Variants in MYOM3 observed in about 807,000 individuals in gnomAD.
The protein encoded by MYOM3 is myomesin 3, also known as myomesin-3.
MYOM3 carries 155 observed loss-of-function variants against 191.7 expected under a neutral mutation model. That is an observed-to-expected ratio of 0.81 (90% CI 0.71 to 0.92). The LOEUF is 0.92. Among genes scored for constraint, MYOM3 ranks in the 40% least tolerant of loss-of-function variants. The pLI, the probability that MYOM3 is intolerant of heterozygous loss-of-function variation, is 0.00. For synonymous variants in MYOM3, 757 were observed against 762.9 expected (o/e 0.99, Z 0.13); for missense variants, 1,889 against 1,890.6 (o/e 1.00, Z 0.02).
chr1:24,108,752 G>C, intron 1 of MYOM3, 98 bp from the exon 2 acceptor site: 2 of 887,262 alleles, frequency 2.3e-6, no homozygotes, highest in Non-Finnish European at 3.3e-6. Context: ...AGGATGGGGG[G>C]TGGGGGTGTC....
Position 24,061,691 on chromosome 1 carries a change from C to T in MYOM3, c.3934+255G>A, listed in dbSNP as rs139763202. On this transcript the variant is annotated intron_variant, in intron 33 of 36. Transcript: ENST00000374434. ...ATCTCCTGGGCTCAAGCAATCCTCC[C>T]GCTTCAGCCTCCCAAGTAGCTGGGA... 7.4e-4 allele frequency among the ~76,000 whole-genome samples: 113 copies of T among 152,156 alleles called. 2 individuals carry two copies. In the East Asian group the frequency reaches 0.016, roughly 22 times the overall value.
Position 24,063,035 on chromosome 1 carries a change from G to T in MYOM3, c.3770+91C>A. 2.5e-6 allele frequency: 2 copies of T among 807,294 alleles called. No homozygotes were observed. Among genetic ancestry groups the T allele is most frequent in the East Asian group, 2.5e-5 (1 of 39,676 alleles). The allele number at this position is 807,294 out of a possible 1,614,324, so 50.0% of individuals were successfully genotyped here. Reference sequence around the variant, plus strand: ...GGGGGACCAGAAACTCTGCTTGGAGGACCAGGCAGGGAGAAGGGAGGGAGG... The same window carrying T: ...GGGGGACCAGAAACTCTGCTTGGAGTACCAGGCAGGGAGAAGGGAGGGAGG... On this transcript the variant is annotated intron_variant, in intron 32 of 36. Coordinates refer to ENST00000374434, the MANE Select transcript of MYOM3 (RefSeq NM_152372.4). This position sits in a 1 kb window ranked among gnomAD's most constrained non-coding sequence, Gnocchi z 4.5.
intron 27 of MYOM3, 103 bp from the exon 28 acceptor site, chr1:24,067,191 G>T: frequency 8.8e-7 from 1 of 1,136,764 alleles, no homozygotes; most frequent in Non-Finnish European, 1.3e-6. Flanking sequence ...TAATGGCTAT[G>T]GACTTCTCAG....
At position 24,090,841 on chromosome 1, in the gene MYOM3, T is replaced by G; in HGVS notation, c.1388A>C (p.Glu463Ala). 1 of 1,614,160 alleles carries G rather than the reference T, an allele frequency of 6.2e-7. No individual in the cohort carries two copies. Among genetic ancestry groups the G allele is most frequent in the Non-Finnish European group, 8.5e-7 (1 of 1,180,018 alleles). The change falls in exon 12 of 37, where the codon GAG becomes GCG. Residue 463 changes from glutamate (E) to alanine (A), a missense_variant. Coordinates refer to ENST00000374434, the MANE Select transcript of MYOM3 (RefSeq NM_152372.4). Reference sequence around the variant, plus strand: ...ATCATGGTCACCCATGACAACCAACTCTGAGGCCTTGGAGGGGACGCTGCT... The same window carrying G: ...ATCATGGTCACCCATGACAACCAACGCTGAGGCCTTGGAGGGGACGCTGCT... ...VGSSVPSKASELVVMGDHDAA... is the reference protein window; with the variant it reads ...VGSSVPSKASALVVMGDHDAA...
At chr1:24,058,627 A>G (rs1643330825) in intron 36 of MYOM3, among the ~76,000 whole-genome samples, 1 of 152,206 alleles carries the variant, frequency 6.6e-6, no homozygotes, top group African/African-American at 2.4e-5. Context: ...TCAGTCCTAG[A>G]CGGGCTTTTA....
At chr1:24,104,417 T>C (rs1408001009) in intron 5 of MYOM3, among the ~76,000 whole-genome samples, 2 of 152,194 alleles carry the variant, frequency 1.3e-5, no homozygotes, top group Admixed American at 6.5e-5. Flanking sequence ...TCTTTGTGTG[T>C]TGATGTTTCT....
chr1:24,082,576 C>A lies in MYOM3; in HGVS notation c.2092+17G>T. ...AGCCCAGGGAGGTTTGCAGGCTGGA[C>A]CTGCCCTTGGACTCACCCAGAGCCT... On this transcript the variant is annotated intron_variant, in intron 17 of 36. Transcript: ENST00000374434. 6.4e-7 allele frequency: 1 copy of A among 1,571,402 alleles called. No homozygotes were observed. The highest frequency in any genetic ancestry group is 1.2e-5 in the South Asian group (1 of 85,076).
intron 17 of MYOM3, 135 bp from the exon 18 acceptor site, chr1:24,082,323 T>A: frequency 2.1e-6 from 2 of 936,378 alleles, no homozygotes; most frequent in African/African-American, 1.7e-5. Context: ...GAGCCAGTAG[T>A]ATCTGTGCCT....
chr1:24,104,790 C>G lies in MYOM3; in HGVS notation c.560+1130G>C, dbSNP rs559681214. Among the ~76,000 whole-genome samples the G allele has an allele frequency of 3.9e-5, 6 of 152,322 alleles. No homozygotes were observed. The South Asian group carries it at 1.2e-3, about 32-fold the overall frequency. ...CTCAAACTCCTGGGTTCAAGTGGTC[C>G]TCCCTCCTTGGCTTCCCAAAGTGCT... is the stretch of plus-strand genomic sequence containing the variant. On this transcript the variant is annotated intron_variant, in intron 5 of 36. Coordinates refer to ENST00000374434, the MANE Select transcript of MYOM3 (RefSeq NM_152372.4).
chr1:24,079,367 T>C (rs1222948410), intron 20 of MYOM3, among the ~76,000 whole-genome samples: 1 of 56,638 alleles, frequency 1.8e-5, no homozygotes, highest in Non-Finnish European at 4.7e-5. Flanking sequence ...CACCTGGCTA[T>C]TTTTTTTTTT....
chr1:24,073,974 C>A (rs1162764669), intron 23 of MYOM3, among the ~76,000 whole-genome samples, 186 bp downstream of exon 23: 1 of 151,784 alleles, frequency 6.6e-6, no homozygotes, highest in African/African-American at 2.4e-5. Context: ...ATATCCAGGG[C>A]CTACCTGGCC....
chr1:24,083,324 C>T (rs1643697081), intron 16 of MYOM3: 1 of 152,230 alleles, frequency 6.6e-6, no homozygotes, highest in Non-Finnish European at 1.5e-5. Flanking sequence ...TGGATGCTTC[C>T]TGACCTTGAA....
At chr1:24,109,006 T>TC (rs928959092) in intron 1 of MYOM3, among the ~76,000 whole-genome samples, 3 of 152,172 alleles carry the variant, frequency 2.0e-5, no homozygotes, top group Non-Finnish European at 4.4e-5. Context: ...GGGCCTCAGC[T>TC]CCCCAGACAA....
intron 25 of MYOM3, 82 bp from the exon 26 acceptor site, chr1:24,068,449 G>T (rs1360650139): frequency 7.8e-6 from 12 of 1,541,258 alleles, no homozygotes; most frequent in Admixed American, 5.2e-5. Flanking sequence ...AGTGGGCTTG[G>T]GGGTGGTAAG....
intron 6 of MYOM3, among the ~76,000 whole-genome samples, chr1:24,099,286 A>G (rs1643895061): frequency 6.6e-6 from 1 of 152,154 alleles, no homozygotes; most frequent in Non-Finnish European, 1.5e-5. Flanking sequence ...ATGTATGCAT[A>G]TGTGTGTGCA....
At chr1:24,100,805 T>C (rs1643906439) in intron 5 of MYOM3, among the ~76,000 whole-genome samples, 1 of 150,684 alleles carries the variant, frequency 6.6e-6, no homozygotes, top group South Asian at 2.1e-4. Context: ...CAGAATGACA[T>C]GAACCCAGGG....
intron 14 of MYOM3, 51 bp from the exon 15 acceptor site, chr1:24,086,878 C>CCA (rs1414881860): frequency 4.5e-6 from 7 of 1,559,624 alleles, no homozygotes; most frequent in Non-Finnish European, 6.1e-6. Context: ...CAGACCGGCT[C>CCA]TGTGCTGGTC....
intron 23 of MYOM3, among the ~76,000 whole-genome samples, chr1:24,072,809 A>G (rs1643548575): frequency 6.6e-6 from 1 of 152,190 alleles, no homozygotes; most frequent in Non-Finnish European, 1.5e-5. Flanking sequence ...TGCTGTGATT[A>G]TAGGCGTGAG....
intron 25 of MYOM3, among the ~76,000 whole-genome samples, chr1:24,070,832 G>C (rs779427177): frequency 1.3e-5 from 2 of 152,200 alleles, no homozygotes; most frequent in African/African-American, 4.8e-5. Context: ...AGAATGTCTG[G>C]TGGGGTAATC....
Sources: gnomAD v4.1 joint callset for allele counts (sites outside exome capture counted in the v4.1 genomes callset) on GRCh38, gnomAD v4.1.1 for gene constraint, Gnocchi (gnomAD v3.1) non-coding constraint, MANE v1.5 for transcripts, NCBI Gene and HGNC (gene_info 2026-07-23, HGNC 2026-07-21) for gene names.